Variants in SAP130 observed in about 807,000 individuals in gnomAD.
SAP130 encodes the protein Sin3A associated protein 130.
SAP130 carries 16 observed loss-of-function variants against 103.2 expected under a neutral mutation model. The ratio of observed to expected loss-of-function variants is 0.16; its 90% CI spans 0.10 to 0.24. The LOEUF (loss-of-function observed/expected upper bound fraction) is 0.24. SAP130 is among the 10% of genes least tolerant of loss of function. The pLI, the probability that SAP130 is intolerant of heterozygous loss-of-function variation, is 1.00. For synonymous variants in SAP130, 477 were observed against 497.0 expected (o/e 0.96, Z 0.53); for missense variants, 990 against 1,359.7 (o/e 0.73, Z 4.28).
At position 128,026,382 on chromosome 2, in the gene SAP130, T is replaced by C. The variant is rs751380093; in HGVS notation, c.-6-84A>G. ...GAAATTAAAGCATCTTTAGTACCTA[T>C]GAGATAGTCCCTTGGAAAAGCAAAT... is the stretch of plus-strand genomic sequence containing the variant. On this transcript the variant is annotated intron_variant, in intron 1 of 20. Coordinates refer to ENST00000643581, the MANE Select transcript of SAP130 (RefSeq NM_001330301.2). 4.3e-6 allele frequency: 4 copies of C among 935,798 alleles called. No homozygotes were observed. The African/African-American group carries it at 6.5e-5, about 15-fold the overall frequency. The allele number at this position is 935,798 out of a possible 1,614,324, so 58.0% of individuals were successfully genotyped here.
intron 18 of SAP130, among the ~76,000 whole-genome samples, chr2:127,946,367 G>A (rs1359326506): frequency 6.6e-6 from 1 of 152,168 alleles, no homozygotes; most frequent in African/African-American, 2.4e-5. Context: ...AGCTGGGGGA[G>A]CCTTTCCAAG....
At chr2:127,974,064 C>T (rs1681279922) in intron 15 of SAP130, among the ~76,000 whole-genome samples, 1 of 152,026 alleles carries the variant, frequency 6.6e-6, no homozygotes, top group Admixed American at 6.6e-5. Flanking sequence ...AACAAACAGA[C>T]AAACAAAAAA....
At chr2:128,011,820 T>G (rs988394050) in intron 6 of SAP130, among the ~76,000 whole-genome samples, 1 of 152,172 alleles carries the variant, frequency 6.6e-6, no homozygotes, top group African/African-American at 2.4e-5. Context: ...CTTATCTTTC[T>G]TATTTTTTGT....
intron 11 of SAP130, among the ~76,000 whole-genome samples, chr2:127,994,914 C>T (rs1007759199): frequency 4.6e-5 from 7 of 152,122 alleles, no homozygotes; most frequent in Non-Finnish European, 8.8e-5. Context: ...AATCTATAAA[C>T]ATTTAGAGCT....
intron 14 of SAP130, among the ~76,000 whole-genome samples, chr2:127,980,008 G>C (rs1681749933): frequency 6.6e-6 from 1 of 151,756 alleles, no homozygotes; most frequent in Admixed American, 6.6e-5. Flanking sequence ...CTCCCGAGTA[G>C]CTGGGATTAT....
rs200188563 is a variant in SAP130 at position 128,018,313 on chromosome 2, C to CAA, written c.113-400_113-399dup. 9.6e-3 allele frequency among the ~76,000 whole-genome samples: 484 copies of CAA among 50,564 alleles called. 5 individuals are homozygous for CAA. Among genetic ancestry groups the CAA allele is most frequent in the South Asian group, 0.044 (65 of 1,476 alleles). 33.2% of individuals were successfully genotyped at this position (50,564 alleles called of 152,430 possible). On this transcript the variant is annotated intron_variant, in intron 2 of 20. Transcript: ENST00000643581. ...CAAAACCCTATCTCTACTAAAAATA[C>CAA]AAAAAAAAAAAAAAAAAACAAACCA...
chr2:127,963,301 C>A (rs1426262789), intron 15 of SAP130, among the ~76,000 whole-genome samples: 1 of 152,180 alleles, frequency 6.6e-6, no homozygotes, highest in Non-Finnish European at 1.5e-5. Flanking sequence ...ATGATGCTGG[C>A]TCACTGTAGC....
intron 15 of SAP130, among the ~76,000 whole-genome samples, chr2:127,971,521 T>C (rs966646016): frequency 1.3e-5 from 2 of 152,226 alleles, no homozygotes; most frequent in East Asian, 3.9e-4. Context: ...TCTCCTGACC[T>C]CGTGATCTAC....
At chr2:127,968,496 C>T (rs1314435675) in intron 15 of SAP130, among the ~76,000 whole-genome samples, 1 of 149,530 alleles carries the variant, frequency 6.7e-6, no homozygotes, top group Non-Finnish European at 1.5e-5. Flanking sequence ...CCACCGCACT[C>T]CAGCCTGGGT....
intron 2 of SAP130, among the ~76,000 whole-genome samples, chr2:128,022,257 G>A (rs1288201705): frequency 2.6e-5 from 4 of 152,174 alleles, no homozygotes; most frequent in African/African-American, 9.7e-5. Flanking sequence ...GTTACTGAGG[G>A]TTATCCATAA....
In SAP130 at chr2:127,990,002, T is replaced by C. The variant is rs917803347; in HGVS notation, c.1478-136A>G. The C allele has an allele frequency of 3.9e-5, 30 of 774,778 alleles. No individual in the cohort carries two copies. In the East Asian group the frequency reaches 7.6e-4, roughly 20 times the overall value. The allele number at this position is 774,778 out of a possible 1,614,324, so 48.0% of individuals were successfully genotyped here. ...CATGGTTTGAAAAAAAATAAATAAA[T>C]AAACATTGTTACTTGAAACTTACTA... On this transcript the variant is annotated intron_variant, in intron 12 of 20. Coordinates refer to ENST00000643581, the MANE Select transcript of SAP130 (RefSeq NM_001330301.2).
intron 16 of SAP130, among the ~76,000 whole-genome samples, chr2:127,952,804 T>C (rs1679584081): frequency 6.6e-6 from 1 of 152,132 alleles, no homozygotes; most frequent in Non-Finnish European, 1.5e-5. Flanking sequence ...CTACCCTGTG[T>C]TCCCTCCATT....
intron 16 of SAP130, 76 bp downstream of exon 16, chr2:127,954,910 A>G: frequency 8.6e-7 from 1 of 1,163,234 alleles, no homozygotes. Context: ...GTTACAGAAG[A>G]ATCTGGATGC....
intron 3 of SAP130, 122 bp from the exon 4 acceptor site, chr2:128,016,669 T>C (rs1426440544): frequency 3.8e-6 from 4 of 1,052,178 alleles, no homozygotes; most frequent in Non-Finnish European, 4.1e-6. Context: ...GTAAGCTTTA[T>C]ACATTTTATC....
chr2:127,988,763 T>C (rs1183084960), intron 13 of SAP130, among the ~76,000 whole-genome samples: 2 of 151,886 alleles, frequency 1.3e-5, no homozygotes, highest in African/African-American at 4.8e-5. Context: ...GGTGGGAGGA[T>C]CACTTGAGCC....
At chr2:127,988,758 G>A (rs1025034550) in intron 13 of SAP130, among the ~76,000 whole-genome samples, 2 of 152,106 alleles carry the variant, frequency 1.3e-5, no homozygotes, top group African/African-American at 4.8e-5. Context: ...GCTGAGGTGG[G>A]AGGATCACTT....
chr2:127,976,124 G>A (rs898570309), intron 15 of SAP130, among the ~76,000 whole-genome samples: 1 of 152,188 alleles, frequency 6.6e-6, no homozygotes, highest in African/African-American at 2.4e-5. Context: ...GGGATTACAG[G>A]TGTGAGCCAC....
intron 15 of SAP130, among the ~76,000 whole-genome samples, chr2:127,963,049 T>G (rs1680372388): frequency 6.6e-6 from 1 of 152,156 alleles, no homozygotes; most frequent in African/African-American, 2.4e-5. Flanking sequence ...ATTTTTCTAC[T>G]GGACTTACTT....
chr2:127,982,226 A>T (rs1446661509), intron 14 of SAP130, among the ~76,000 whole-genome samples: 3 of 152,204 alleles, frequency 2.0e-5, no homozygotes, highest in African/African-American at 7.2e-5. Context: ...CAACAGAAGG[A>T]TATTTCATAC....
Sources: gnomAD v4.1 joint callset for allele counts (sites outside exome capture counted in the v4.1 genomes callset) on GRCh38, gnomAD v4.1.1 for gene constraint, MANE v1.5 for transcripts, NCBI Gene and HGNC (gene_info 2026-07-23, HGNC 2026-07-21) for gene names.